HPCAL1: variants seen among roughly 807,000 people sequenced by gnomAD.
HPCAL1 encodes the protein hippocalcin-like protein 1.
A neutral mutation model predicts 17.1 loss-of-function variants in HPCAL1; 8 were observed. The ratio of observed to expected loss-of-function variants is 0.47; its 90% CI spans 0.27 to 0.84. HPCAL1 has a LOEUF of 0.84. HPCAL1 is among the 40% of genes least tolerant of loss of function. HPCAL1 has a pLI of 0.13. For missense variants in HPCAL1, 165 were observed against 271.1 expected (o/e 0.61, Z 2.75); for synonymous variants, 112 against 111.4 (o/e 1.01, Z -0.03).
chr2:10,375,253 A>G (rs528321273), intron 1 of HPCAL1, among the ~76,000 whole-genome samples: 1 of 152,320 alleles, frequency 6.6e-6, no homozygotes, highest in Middle Eastern at 3.4e-3. Context: ...TTCCATATCT[A>G]CTATTTTACA....
chr2:10,373,122 C>T (rs1432177002), intron 1 of HPCAL1, among the ~76,000 whole-genome samples: 2 of 152,198 alleles, frequency 1.3e-5, no homozygotes, highest in East Asian at 1.9e-4. Flanking sequence ...GAGCCGGGGC[C>T]GGGGTTTTCC....
At chr2:10,327,115 C>T (rs956070134) in intron 1 of HPCAL1, among the ~76,000 whole-genome samples, 3 of 152,196 alleles carry the variant, frequency 2.0e-5, no homozygotes, top group Non-Finnish European at 2.9e-5. Context: ...ACTGCAGCAT[C>T]TCCTAAGGAA....
chr2:10,399,102 A>T (rs1365561398), intron 2 of HPCAL1, among the ~76,000 whole-genome samples: 2 of 151,864 alleles, frequency 1.3e-5, no homozygotes, highest in East Asian at 3.9e-4. Context: ...AAGAAGCTGG[A>T]GCAGGCGAAG....
chr2:10,396,272 A>T (rs1669021001), intron 1 of HPCAL1, among the ~76,000 whole-genome samples: 1 of 152,084 alleles, frequency 6.6e-6, no homozygotes, highest in African/African-American at 2.4e-5. Flanking sequence ...GGCCTCAAGG[A>T]GGAGGTCGGG....
intron 2 of HPCAL1, among the ~76,000 whole-genome samples, chr2:10,418,690 T>C (rs1047485012): frequency 1.2e-4 from 18 of 152,122 alleles, no homozygotes; most frequent in African/African-American, 4.3e-4. Flanking sequence ...TAACTGTTAA[T>C]GTAAGAAAAT....
At chr2:10,318,694 G>A (rs1572627464) in intron 1 of HPCAL1, among the ~76,000 whole-genome samples, 1 of 152,224 alleles carries the variant, frequency 6.6e-6, no homozygotes. Context: ...CACGGGCTTA[G>A]AGACTTGAGA....
At chr2:10,426,508 AG>A (rs1275515612) in intron 4 of HPCAL1, 1 of 546,192 alleles carries the variant, frequency 1.8e-6, no homozygotes, top group Non-Finnish European at 3.3e-6. Context: ...AAGCCCTTTG[AG>A]GTACCTGATG....
chr2:10,371,583 C>G (rs1174797540), intron 1 of HPCAL1, among the ~76,000 whole-genome samples: 3 of 152,138 alleles, frequency 2.0e-5, no homozygotes, highest in Admixed American at 6.5e-5. Flanking sequence ...AATTAGGAGA[C>G]ACCATGTCTG....
At position 10,310,272 on chromosome 2, in the gene HPCAL1, G is replaced by A. The variant is rs6734475; in HGVS notation, c.-111+7095G>A. Among the ~76,000 whole-genome samples the A allele has an allele frequency of 0.1, 15,940 of 152,148 alleles. 1,757 individuals are homozygous for A. The highest frequency in any genetic ancestry group is 0.28 in the African/African-American group (11,704 of 41,446). ...TAGGCGCAGCTCAGACGTAGATGGG[G>A]ACGCAGATGTGAGTACCTAGGTGAG... On this transcript the variant is annotated intron_variant, in intron 1 of 4. Transcript: ENST00000307845. The surrounding 1 kb of genome is among the most constrained non-coding windows in gnomAD (Gnocchi z 4.5).
rs1350097156 is a variant in HPCAL1, at chr2:10,359,115, G to A, written c.-110-37720G>A. On this transcript the variant is annotated intron_variant, in intron 1 of 4. Coordinates refer to ENST00000307845, the MANE Select transcript of HPCAL1 (RefSeq NM_002149.4). This position sits in a 1 kb window ranked among gnomAD's most constrained non-coding sequence, Gnocchi z 4.1. ...GAGGTTTGAGCAGCGGGACACTGAC[G>A]AAGCGAGCCATACCCCCATCACATG... Among the ~76,000 whole-genome samples, 1 of 150,470 alleles carries A rather than the reference G, an allele frequency of 6.6e-6. No homozygotes were observed. Among genetic ancestry groups the A allele is most frequent in the Admixed American group, 6.6e-5 (1 of 15,196 alleles).
rs1190927268 is a variant in HPCAL1, at chr2:10,420,093, C to T, written c.336C>T (p.Gly112=). ...CCTTCAGCATGTACGACCTGGACGG[C>T]AACGGCTACATCAGCCGCAGCGAGA... ...KWAFSMYDLD[G]NGYISRSEML... Residue 112 remains glycine (G), a synonymous_variant, in exon 3 of 5, where the codon GGC becomes GGT. Coordinates refer to ENST00000307845, the MANE Select transcript of HPCAL1 (RefSeq NM_002149.4). The T allele has an allele frequency of 6.2e-7, 1 of 1,613,230 alleles. No individual in the cohort carries two copies. Among genetic ancestry groups the T allele is most frequent in the African/African-American group, 1.3e-5 (1 of 74,890 alleles).
intron 1 of HPCAL1, among the ~76,000 whole-genome samples, chr2:10,335,161 C>T (rs557012045): frequency 2.0e-5 from 3 of 152,330 alleles, no homozygotes; most frequent in Non-Finnish European, 2.9e-5. Context: ...TCCCTTCCCT[C>T]GGGTGTTGGC....
intron 1 of HPCAL1, among the ~76,000 whole-genome samples, chr2:10,348,604 A>T (rs1324928882): frequency 1.0e-5 from 1 of 97,974 alleles, no homozygotes; most frequent in African/African-American, 4.0e-5. Context: ...TCTCTACAAA[A>T]AAAAAAAAAT....
At position 10,409,777 on chromosome 2, in the gene HPCAL1, C is replaced by CTTTCT. The variant is rs1558527080; in HGVS notation, c.-24-9954_-24-9953insCTTTT. 3.5e-4 allele frequency among the ~76,000 whole-genome samples: 22 copies of CTTTCT among 62,530 alleles called. 3 individuals are homozygous for CTTTCT. The highest frequency in any genetic ancestry group is 1.3e-3 in the Admixed American group (6 of 4,754). 41.0% of individuals were successfully genotyped at this position (62,530 alleles called of 152,430 possible). A position where few individuals can be genotyped will look rare whatever the true frequency, so the allele number is the denominator to read the frequency against. ...CTCCAGCCTCTTCCTGAGCCTCAGT[C>CTTTCT]TTTTTTTTTTTTTTTTTTTTTTTTT... is the stretch of plus-strand genomic sequence containing the variant. On this transcript the variant is annotated intron_variant, in intron 2 of 4. Transcript: ENST00000307845.
At chr2:10,321,651 C>T (rs866743829) in intron 1 of HPCAL1, among the ~76,000 whole-genome samples, 40 of 152,202 alleles carry the variant, frequency 2.6e-4, no homozygotes, top group African/African-American at 9.4e-4. Context: ...GCCCTGGAAA[C>T]CAATAATTTA....
intron 1 of HPCAL1, among the ~76,000 whole-genome samples, chr2:10,375,734 G>A (rs993548855): frequency 1.3e-4 from 20 of 152,338 alleles, no homozygotes; most frequent in African/African-American, 4.8e-4. Flanking sequence ...GTTGAAGGAA[G>A]AAGTGAAACC....
chr2:10,357,558 G>A (rs1026557347), intron 1 of HPCAL1, among the ~76,000 whole-genome samples: 9 of 152,130 alleles, frequency 5.9e-5, no homozygotes, highest in African/African-American at 1.2e-4. Context: ...CGTTTCCTCC[G>A]CGGAGTGTGT....
intron 3 of HPCAL1, 69 bp downstream of exon 3, chr2:10,420,204 C>T: frequency 9.9e-7 from 1 of 1,008,950 alleles, no homozygotes; most frequent in East Asian, 2.9e-5. Context: ...GCCCCCAGCC[C>T]AGGGCTTTTT....
At chr2:10,393,373 C>A (rs1322755537) in intron 1 of HPCAL1, among the ~76,000 whole-genome samples, 1 of 152,248 alleles carries the variant, frequency 6.6e-6, no homozygotes, top group Non-Finnish European at 1.5e-5. Context: ...GAACAGCAGA[C>A]CCCCTTCCTG....
Sources: allele counts gnomAD v4.1 joint callset (sites outside exome capture counted in the v4.1 genomes callset), GRCh38; gene constraint gnomAD v4.1.1; non-coding constraint Gnocchi (gnomAD v3.1); transcripts MANE v1.5; gene names NCBI Gene and HGNC (gene_info 2026-07-23, HGNC 2026-07-21).